Variants in CTNNA3 observed in about 807,000 individuals in gnomAD.
CTNNA3 encodes catenin alpha 3.
A neutral mutation model predicts 95.7 loss-of-function variants in CTNNA3; 76 were observed. The observed-to-expected ratio is 0.79, with a 90% CI of 0.66 to 0.96. The LOEUF (loss-of-function observed/expected upper bound fraction) is 0.96, where lower values mean the gene tolerates loss of function less well. CTNNA3 is among the 40% of genes least tolerant of loss of function. CTNNA3 has a pLI of 0.00. For missense variants in CTNNA3, 1,191 were observed against 1,089.8 expected, an observed-to-expected ratio of 1.09 and a Z score of -1.31; for synonymous variants, 431 against 374.4, an observed-to-expected ratio of 1.15 and a Z score of -1.74.
rs139446182 is a variant in CTNNA3 at position 67,074,766 on chromosome 10, T to A, written c.1047+105551A>T. On this transcript the variant is annotated intron_variant, in intron 7 of 17. Transcript: ENST00000433211. ...CTGTCTTATGCCAGCTAAAGACATG[T>A]ATATAAAACCACAAAATACATTCTT... is the stretch of plus-strand genomic sequence containing the variant. 3.0e-3 allele frequency among the ~76,000 whole-genome samples: 450 copies of A among 150,584 alleles called. 3 individuals are homozygous for A. The highest frequency in any genetic ancestry group is 0.011 in the African/African-American group (431 of 40,958).
At chr10:67,031,292 A>T (rs1443812108) in intron 7 of CTNNA3, among the ~76,000 whole-genome samples, 2 of 152,210 alleles carry the variant, frequency 1.3e-5, no homozygotes, top group Non-Finnish European at 2.9e-5. Context: ...CACAGGTTTT[A>T]AATTTTTCAG....
Position 67,398,825 on chromosome 10 carries a change from C to T in CTNNA3, c.579+123017G>A, listed in dbSNP as rs544437395. Among the ~76,000 whole-genome samples the T allele has an allele frequency of 2.0e-5, 3 of 152,112 alleles. No individual in the cohort carries two copies. In the East Asian group the frequency reaches 5.8e-4, roughly 29 times the overall value. ...CTGATGGTTTTATAAGGGGCTTTTCCCCCTTTTGCTTGGCACTCCTCCTTC... is the reference window on the plus strand; with the variant it reads ...CTGATGGTTTTATAAGGGGCTTTTCTCCCTTTTGCTTGGCACTCCTCCTTC... On this transcript the variant is annotated intron_variant, in intron 5 of 17. Coordinates refer to ENST00000433211, the MANE Select transcript of CTNNA3 (RefSeq NM_013266.4).
intron 7 of CTNNA3, among the ~76,000 whole-genome samples, chr10:66,960,103 A>T (rs973009887): frequency 1.3e-5 from 2 of 152,000 alleles, no homozygotes; most frequent in South Asian, 2.1e-4. Context: ...AGACTCCCTA[A>T]AAATATTTCT....
intron 16 of CTNNA3, among the ~76,000 whole-genome samples, chr10:65,986,110 A>G (rs962417347): frequency 1.1e-4 from 17 of 151,412 alleles, no homozygotes; most frequent in African/African-American, 4.1e-4. Flanking sequence ...TTAAACTACT[A>G]AGTGAAAATT....
intron 7 of CTNNA3, among the ~76,000 whole-genome samples, chr10:66,867,949 T>C (rs1320907819): frequency 6.7e-6 from 1 of 149,810 alleles, no homozygotes; most frequent in East Asian, 2.0e-4. Context: ...CAAATATTTT[T>C]CTGCTTTAAA....
chr10:67,168,134 T>A (rs776237049), intron 7 of CTNNA3, among the ~76,000 whole-genome samples: 1 of 151,964 alleles, frequency 6.6e-6, no homozygotes, highest in Non-Finnish European at 1.5e-5. Context: ...AGACTCCATC[T>A]CAAAATAAAA....
chr10:66,917,183 A>G (rs1488605168), intron 7 of CTNNA3, among the ~76,000 whole-genome samples: 1 of 152,218 alleles, frequency 6.6e-6, no homozygotes, highest in Non-Finnish European at 1.5e-5. Context: ...AGTTTAATAA[A>G]TACTCATTGA....
chr10:67,753,658 C>T (rs1392566814), intron 1 of CTNNA3, among the ~76,000 whole-genome samples: 3 of 152,022 alleles, frequency 2.0e-5, no homozygotes, highest in African/African-American at 4.8e-5. Context: ...AGGCAAAGGA[C>T]GTGAACAGAC....
intron 7 of CTNNA3, among the ~76,000 whole-genome samples, chr10:66,843,760 A>C (rs1375389305): frequency 2.0e-5 from 3 of 152,174 alleles, no homozygotes; most frequent in Non-Finnish European, 4.4e-5. Context: ...CTTTTCAACC[A>C]TCCGGGTCTT....
intron 11 of CTNNA3, among the ~76,000 whole-genome samples, chr10:66,474,163 TTCTG>T (rs1399847813): frequency 6.6e-6 from 1 of 152,078 alleles, no homozygotes; most frequent in Non-Finnish European, 1.5e-5. Flanking sequence ...ACAGAAGTTA[TTCTG>T]TCTATCTAAC....
chr10:66,046,805 G>A (rs940264939), intron 15 of CTNNA3, among the ~76,000 whole-genome samples: 1 of 151,912 alleles, frequency 6.6e-6, no homozygotes, highest in Non-Finnish European at 1.5e-5. Flanking sequence ...TGGCCCCACA[G>A]AAATAAAAAG....
intron 11 of CTNNA3, among the ~76,000 whole-genome samples, chr10:66,437,069 A>T (rs901781140): frequency 6.6e-6 from 1 of 151,988 alleles, no homozygotes; most frequent in African/African-American, 2.4e-5. Flanking sequence ...TGTTAGTCTG[A>T]TGTGCTTCTC....
chr10:66,880,805 G>A (rs1163114927), intron 7 of CTNNA3, among the ~76,000 whole-genome samples: 1 of 152,036 alleles, frequency 6.6e-6, no homozygotes, highest in Admixed American at 6.6e-5. Flanking sequence ...TTGCATAATA[G>A]CAGTTTTCCT....
At chr10:67,048,405 C>A (rs952187460) in intron 7 of CTNNA3, among the ~76,000 whole-genome samples, 3 of 152,036 alleles carry the variant, frequency 2.0e-5, no homozygotes, top group Non-Finnish European at 4.4e-5. Context: ...ACCAAGGAAA[C>A]CTCTTACTGT....
intron 11 of CTNNA3, among the ~76,000 whole-genome samples, chr10:66,473,193 G>T (rs879934606): frequency 6.6e-6 from 1 of 151,946 alleles, no homozygotes; most frequent in Non-Finnish European, 1.5e-5. Flanking sequence ...TGTGTCCCCA[G>T]TCAAATCTCA....
chr10:67,739,756 C>T (rs1052247110), intron 1 of CTNNA3, among the ~76,000 whole-genome samples: 1 of 152,106 alleles, frequency 6.6e-6, no homozygotes, highest in Non-Finnish European at 1.5e-5. Flanking sequence ...AGATTCAATG[C>T]CATCCCCATC....
At chr10:67,298,444 G>A (rs1280337341) in intron 5 of CTNNA3, among the ~76,000 whole-genome samples, 1 of 152,194 alleles carries the variant, frequency 6.6e-6, no homozygotes, top group Non-Finnish European at 1.5e-5. Flanking sequence ...TCACTGATGT[G>A]GTTAGCCCTT....
chr10:67,396,391 A>G (rs1269356703), intron 5 of CTNNA3, among the ~76,000 whole-genome samples: 10 of 152,204 alleles, frequency 6.6e-5, no homozygotes. Context: ...CATCAAAATT[A>G]TCATATTGGT....
intron 15 of CTNNA3, among the ~76,000 whole-genome samples, chr10:66,033,275 C>T (rs552725519): frequency 5.3e-4 from 80 of 151,776 alleles, no homozygotes; most frequent in African/African-American, 1.8e-3. Context: ...GGACTACAGG[C>T]GCCCACCACC....
Sources: gnomAD v4.1 joint callset for allele counts (sites outside exome capture counted in the v4.1 genomes callset) on GRCh38, gnomAD v4.1.1 for gene constraint, MANE v1.5 for transcripts, NCBI Gene and HGNC (gene_info 2026-07-23, HGNC 2026-07-21) for gene names.